The following C3orf52 variants were observed in gnomAD, a reference collection of about 807,000 sequenced individuals.
C3orf52 encodes the protein chromosome 3 open reading frame 52.
A neutral mutation model predicts 24.8 loss-of-function variants in C3orf52; 22 were observed. The observed-to-expected ratio is 0.89, with a 90% CI of 0.63 to 1.27. The LOEUF (loss-of-function observed/expected upper bound fraction) is 1.27. Among genes scored for constraint, C3orf52 ranks in the 50% most tolerant of loss-of-function variants. The probability of loss-of-function intolerance (pLI) is 0.00; values close to 1 mark genes in which losing one functional copy is unlikely to be tolerated. For missense variants in C3orf52, 265 were observed against 260.7 expected (o/e 1.02, Z -0.11); for synonymous variants, 93 against 100.2 (o/e 0.93, Z 0.43).
At chr3:112,123,584 T>C (rs16859261) in intron 4 of C3orf52, 58,373 of 1,614,090 alleles carry the variant, frequency 0.036, 1,428 homozygotes, top group South Asian at 0.11. Flanking sequence ...GCCTGGGGTC[T>C]GTAGAAGGCA....
At chr3:112,110,788 C>A (rs959198167) in intron 4 of C3orf52, among the ~76,000 whole-genome samples, 2 of 152,140 alleles carry the variant, frequency 1.3e-5, no homozygotes, top group Non-Finnish European at 2.9e-5. Flanking sequence ...TTCTCCAAAC[C>A]CTAATATTAG....
At position 112,102,038 on chromosome 3, in the gene C3orf52, C is replaced by G. The variant is rs186580139; in HGVS notation, c.269-800C>G. 9.2e-5 allele frequency among the ~76,000 whole-genome samples: 14 copies of G among 152,250 alleles called. No homozygotes were observed. In the East Asian group the frequency reaches 1.7e-3, roughly 19 times the overall value. The stretch of plus-strand genomic sequence containing the variant: ...TCCCAGGAATGTAATTCCTGCACAC[C>G]CTGGGGCTCTGAATATAGTTTAGCT... On this transcript the variant is annotated intron_variant, in intron 2 of 5. Transcript: ENST00000264848.
At chr3:112,119,206 A>G (rs575050226), downstream of C3orf52, among the ~76,000 whole-genome samples, 69 of 152,228 alleles carry the variant, frequency 4.5e-4, 1 homozygote, top group Non-Finnish European at 7.8e-4. Flanking sequence ...AACATGGTGA[A>G]ACCCCATCTC....
chr3:112,125,246 T>G (rs2074290045), intron 4 of C3orf52: 1 of 1,579,716 alleles, frequency 6.3e-7, no homozygotes, highest in Non-Finnish European at 8.7e-7. Flanking sequence ...GTAGATGACA[T>G]TCTTTCATCT....
chr3:112,135,478 A>C (rs572421890), downstream of C3orf52: 2 of 152,662 alleles, frequency 1.3e-5, no homozygotes, highest in African/African-American at 4.8e-5. Flanking sequence ...GTGCAACCCC[A>C]GATTCATCTC....
At chr3:112,108,815 A>C (rs577115453) in intron 3 of C3orf52, among the ~76,000 whole-genome samples, 1 of 152,338 alleles carries the variant, frequency 6.6e-6, no homozygotes, top group South Asian at 2.1e-4. Flanking sequence ...AAAAATATGC[A>C]AGGAAAGGAT....
chr3:112,133,336 A>G, downstream of C3orf52: 1 of 532,280 alleles, frequency 1.9e-6, no homozygotes, highest in Non-Finnish European at 3.3e-6. Flanking sequence ...CTAACATGTC[A>G]GTGCCTGAAC....
exon 5 of C3orf52, chr3:112,128,265 G>C (rs1295611478): frequency 1.4e-6 from 1 of 693,206 alleles, no homozygotes; most frequent in African/African-American, 1.8e-5. Flanking sequence ...TCCTAATCAG[G>C]AAAAAAGCTT....
At chr3:112,127,245 C>T (rs190613919) in intron 4 of C3orf52, among the ~76,000 whole-genome samples, 1 of 152,274 alleles carries the variant, frequency 6.6e-6, no homozygotes, top group East Asian at 1.9e-4. Context: ...TCTCTCTCCT[C>T]CTCTCTTTCT....
intron 1 of C3orf52, 97 bp from the exon 2 acceptor site, chr3:112,093,263 T>A (rs2073895463): frequency 7.5e-7 from 1 of 1,329,838 alleles, no homozygotes; most frequent in Non-Finnish European, 1.0e-6. Context: ...GTCAGGGTCT[T>A]GCTGCCTTCA....
intron 2 of C3orf52, among the ~76,000 whole-genome samples, chr3:112,100,338 A>G (rs2073961253): frequency 6.6e-6 from 1 of 152,190 alleles, no homozygotes; most frequent in South Asian, 2.1e-4. Flanking sequence ...CATACAACAC[A>G]TGTTTTTGTG....
At chr3:112,118,445 T>C (rs1278246055), downstream of C3orf52, among the ~76,000 whole-genome samples, 2 of 152,224 alleles carry the variant, frequency 1.3e-5, no homozygotes, top group African/African-American at 2.4e-5. Flanking sequence ...CAGGACTTGG[T>C]ATCTGAAAGG....
Position 112,116,959 on chromosome 3 carries a change from CGTTTT to C in C3orf52, c.*319_*323del. 2 of 1,525,956 alleles carry C rather than the reference CGTTTT, an allele frequency of 1.3e-6. No homozygotes were observed. Among genetic ancestry groups the C allele is most frequent in the Non-Finnish European group, 8.8e-7 (1 of 1,138,362 alleles). The allele number at this position is 1,525,956 out of a possible 1,614,324, so 94.5% of individuals were successfully genotyped here. On this transcript the variant is annotated 3_prime_UTR_variant, in exon 6 of 6. Coordinates refer to ENST00000264848, the MANE Select transcript of C3orf52 (RefSeq NM_024616.3). ...TATTCTGTTTGTTTTTGTTTTGTTTCGTTTTGTTTTTTGAGACAGGGTCTCGTTCT... is the reference window on the plus strand; with the variant it reads ...TATTCTGTTTGTTTTTGTTTTGTTTCGTTTTTTGAGACAGGGTCTCGTTCT...
rs377543671 is a variant in C3orf52 at position 112,086,499 on chromosome 3, C to T, written c.92C>T (p.Ala31Val). 4.2e-4 allele frequency: 653 copies of T among 1,551,492 alleles called. 4 individuals carry two copies. The Middle Eastern group carries it at 7.0e-3, about 17-fold the overall frequency. The change falls in exon 1 of 6, where the codon GCC (alanine) becomes GTC (valine). Residue 31 changes from alanine to valine, a missense_variant. Coordinates refer to ENST00000264848, the MANE Select transcript of C3orf52 (RefSeq NM_024616.3). ...QPEENTPLNGADKVFPSLDEE... is the reference protein window; with the variant it reads ...QPEENTPLNGVDKVFPSLDEE... ...GAAGAGAACACGCCTCTCAATGGTG[C>T]CGACAAGGTCTTCCCTTCTTTGGAC...
intron 3 of C3orf52, among the ~76,000 whole-genome samples, 178 bp from the exon 4 acceptor site, chr3:112,109,365 C>G (rs769462072): frequency 8.5e-5 from 13 of 152,170 alleles, no homozygotes; most frequent in African/African-American, 3.1e-4. Flanking sequence ...TTTGAAGTAG[C>G]ATTAACTTGA....
intron 4 of C3orf52, chr3:112,128,192 T>C (rs1304063646): frequency 5.3e-6 from 4 of 756,516 alleles, no homozygotes; most frequent in Non-Finnish European, 9.5e-6. Flanking sequence ...TCTAGATAAC[T>C]TGGACACATC....
chr3:112,102,824 C>A lies in C3orf52; in HGVS notation c.269-14C>A. ...ACTTTTGTTTTTCATTTCCACCTCC[C>A]CTACTTTCTTTAGTAACTTATGTTG... On this transcript the variant is annotated splice_polypyrimidine_tract_variant and intron_variant, in intron 2 of 5. Coordinates refer to ENST00000264848, the MANE Select transcript of C3orf52 (RefSeq NM_024616.3). 6.5e-7 allele frequency: 1 copy of A among 1,543,754 alleles called. No individual in the cohort carries two copies. The highest frequency in any genetic ancestry group is 1.2e-5 in the South Asian group (1 of 81,122).
chr3:112,094,657 A>C (rs2073910610), intron 2 of C3orf52, among the ~76,000 whole-genome samples: 1 of 152,252 alleles, frequency 6.6e-6, no homozygotes, highest in African/African-American at 2.4e-5. Flanking sequence ...GATTTGCATG[A>C]TACAGTCTTC....
At chr3:112,109,380 T>C (rs1275373546) in intron 3 of C3orf52, among the ~76,000 whole-genome samples, 163 bp from the exon 4 acceptor site, 1 of 152,178 alleles carries the variant, frequency 6.6e-6, no homozygotes, top group Non-Finnish European at 1.5e-5. Context: ...ACTTGAGTTT[T>C]GATTTATGGT....
Sources: gnomAD v4.1 joint callset for allele counts (sites outside exome capture counted in the v4.1 genomes callset) on GRCh38, gnomAD v4.1.1 for gene constraint, MANE v1.5 for transcripts, NCBI Gene and HGNC (gene_info 2026-07-23, HGNC 2026-07-21) for gene names.